The following RAP2A variants were observed in gnomAD, a reference collection of about 807,000 sequenced individuals.
The protein encoded by RAP2A is ras-related protein Rap-2a.
A neutral mutation model predicts 15.1 loss-of-function variants in RAP2A; 5 were observed. The observed-to-expected ratio is 0.33, with a 90% CI of 0.17 to 0.70. RAP2A has a LOEUF of 0.70. RAP2A is among the 30% of genes least tolerant of loss of function. RAP2A has a pLI of 0.68. For missense variants in RAP2A, 111 were observed against 240.3 expected (o/e 0.46, Z 3.56); for synonymous variants, 110 against 99.7 (o/e 1.10, Z -0.62).
intron 1 of RAP2A, among the ~76,000 whole-genome samples, chr13:97,441,126 C>T (rs1945193408): frequency 6.6e-6 from 1 of 152,094 alleles, no homozygotes; most frequent in Non-Finnish European, 1.5e-5. Context: ...ATGTCTCTTC[C>T]TCTCTAACAT....
chr13:97,461,894 C>T (rs960158310), intron 1 of RAP2A, among the ~76,000 whole-genome samples: 1 of 149,802 alleles, frequency 6.7e-6, no homozygotes, highest in Non-Finnish European at 1.5e-5. Context: ...ACCCGGGAGG[C>T]GGAGCTTGCA....
chr13:97,461,003 G>A (rs1669099564), intron 1 of RAP2A, among the ~76,000 whole-genome samples: 1 of 152,032 alleles, frequency 6.6e-6, no homozygotes, highest in African/African-American at 2.4e-5. Flanking sequence ...GCTTCTCAAG[G>A]CCACATCACT....
chr13:97,434,483 A>C lies in RAP2A; in HGVS notation c.13A>C (p.Lys5Gln). Residue 5 changes from lysine to glutamine, a missense_variant, in exon 1 of 2, where the codon AAA (lysine) becomes CAA (glutamine). Transcript: ENST00000245304. Reference protein sequence around the residue: MREYKVVVLGSGGVG... With the variant: MREYQVVVLGSGGVG... ...CCGCGGAGGGACGATGCGCGAGTAC[A>C]AAGTGGTGGTGCTGGGCTCGGGCGG... 1.2e-6 allele frequency: 2 copies of C among 1,605,312 alleles called. No homozygotes were observed. The highest frequency in any genetic ancestry group is 1.7e-6 in the Non-Finnish European group (2 of 1,174,906).
At chr13:97,445,438 CTT>C (rs1369991675) in intron 1 of RAP2A, among the ~76,000 whole-genome samples, 1 of 152,216 alleles carries the variant, frequency 6.6e-6, no homozygotes, top group East Asian at 1.9e-4. Flanking sequence ...ATGAACTAAA[CTT>C]AATTATTTTT....
At chr13:97,454,752 A>G (rs1210616849) in intron 1 of RAP2A, among the ~76,000 whole-genome samples, 2 of 151,280 alleles carry the variant, frequency 1.3e-5, no homozygotes, top group Admixed American at 6.6e-5. Flanking sequence ...CTTTGATACT[A>G]TTTTCCTTCA....
chr13:97,435,187 C>A (rs527760802), intron 1 of RAP2A, among the ~76,000 whole-genome samples: 1 of 152,208 alleles, frequency 6.6e-6, no homozygotes, highest in South Asian at 2.1e-4. Context: ...CAGTAAAAAT[C>A]GCTCACACAC....
At chr13:97,443,652 A>C (rs2066667170) in intron 1 of RAP2A, among the ~76,000 whole-genome samples, 1 of 152,220 alleles carries the variant, frequency 6.6e-6, no homozygotes, top group Non-Finnish European at 1.5e-5. Flanking sequence ...TCAACTGCCC[A>C]AAGCACTGGG....
chr13:97,434,343 C>A lies in RAP2A; in HGVS notation c.-128C>A. On this transcript the variant is annotated 5_prime_UTR_variant, in exon 1 of 2. Coordinates refer to ENST00000245304, the MANE Select transcript of RAP2A (RefSeq NM_021033.7). ...GCCGCCGGCGCCCAGGGGGCCGCCG[C>A]GGCTGTGAGGTGGGGGCGGCAGCGG... 1.3e-6 allele frequency: 1 copy of A among 756,344 alleles called. No homozygotes were observed. The highest frequency in any genetic ancestry group is 1.6e-6 in the Non-Finnish European group (1 of 625,858). The allele number at this position is 756,344 out of a possible 1,614,324, so 46.9% of individuals were successfully genotyped here. A position where few individuals can be genotyped will look rare whatever the true frequency, so the allele number is the denominator to read the frequency against.
rs755279212 is a variant in RAP2A, at chr13:97,434,437, G to GGGC, written c.-15_-13dup. 6.7e-4 allele frequency: 1,040 copies of GGGC among 1,543,554 alleles called. 1 individual carries two copies. Among genetic ancestry groups the GGGC allele is most frequent in the East Asian group, 1.0e-3 (45 of 43,276 alleles). ...CGCGGCCGGCGTAGGTCTATGTCGC[G>GGGC]GGCGGCGGCGGCGGCGGCGGCCGCG... On this transcript the variant is annotated 5_prime_UTR_variant, in exon 1 of 2. Coordinates refer to ENST00000245304, the MANE Select transcript of RAP2A (RefSeq NM_021033.7).
At chr13:97,460,469 T>C (rs886657327) in intron 1 of RAP2A, among the ~76,000 whole-genome samples, 1 of 152,206 alleles carries the variant, frequency 6.6e-6, no homozygotes, top group Non-Finnish European at 1.5e-5. Flanking sequence ...TTCACAGTAC[T>C]AGCTAGAGGC....
chr13:97,463,227 T>A (rs1163910251), intron 1 of RAP2A, among the ~76,000 whole-genome samples: 6 of 152,152 alleles, frequency 3.9e-5, no homozygotes, highest in Non-Finnish European at 8.8e-5. Context: ...GAATAGTAAA[T>A]AAATGTGCAG....
At chr13:97,459,373 C>G (rs906426128) in intron 1 of RAP2A, among the ~76,000 whole-genome samples, 1 of 152,106 alleles carries the variant, frequency 6.6e-6, no homozygotes, top group Non-Finnish European at 1.5e-5. Flanking sequence ...CACCCACTAA[C>G]AAAGCACCTC....
chr13:97,437,042 C>T (rs949562953), intron 1 of RAP2A, among the ~76,000 whole-genome samples: 1 of 152,096 alleles, frequency 6.6e-6, no homozygotes, highest in Admixed American at 6.5e-5. Context: ...AGCTTTAGGT[C>T]TAGGTCAGCA....
chr13:97,458,879 TG>T lies in RAP2A; in HGVS notation c.315-5325del, dbSNP rs2066735033. 2.6e-5 allele frequency among the ~76,000 whole-genome samples: 4 copies of T among 152,086 alleles called. No homozygotes were observed. In the South Asian group the frequency reaches 8.3e-4, roughly 32 times the overall value. The stretch of plus-strand genomic sequence containing the variant: ...AGCCCATTAACATTCTACAGCTAAG[TG>T]ATGCTACAGCCAGTATTTCTGATGT... On this transcript the variant is annotated intron_variant, in intron 1 of 1. Transcript: ENST00000245304.
chr13:97,455,238 T>C (rs959983786), intron 1 of RAP2A, among the ~76,000 whole-genome samples: 1 of 151,604 alleles, frequency 6.6e-6, no homozygotes, highest in African/African-American at 2.4e-5. Flanking sequence ...TTTTCAGTTC[T>C]AAAATTTTCA....
chr13:97,460,890 T>G (rs1323659780), intron 1 of RAP2A, among the ~76,000 whole-genome samples: 2 of 152,166 alleles, frequency 1.3e-5, no homozygotes, highest in Non-Finnish European at 2.9e-5. Flanking sequence ...CTCCCATCTT[T>G]TTTGCCTGTC....
intron 1 of RAP2A, among the ~76,000 whole-genome samples, chr13:97,455,527 T>C (rs528225140): frequency 2.6e-5 from 4 of 151,590 alleles, no homozygotes; most frequent in African/African-American, 9.7e-5. Context: ...TTTTTTCCTT[T>C]TAGCCAATAA....
intron 1 of RAP2A, among the ~76,000 whole-genome samples, chr13:97,435,464 CCA>C (rs2066629580): frequency 1.3e-5 from 1 of 79,988 alleles, no homozygotes; most frequent in Non-Finnish European, 2.8e-5. Context: ...TTAACCCCTT[CCA>C]AAAAAAAAAA....
intron 1 of RAP2A, among the ~76,000 whole-genome samples, chr13:97,461,949 C>T (rs1456915112): frequency 7.1e-6 from 1 of 140,056 alleles, no homozygotes; most frequent in African/African-American, 2.7e-5. Flanking sequence ...GGAGACAGAG[C>T]GAGACTCCGT....
Sources: allele counts gnomAD v4.1 joint callset (sites outside exome capture counted in the v4.1 genomes callset), GRCh38; gene constraint gnomAD v4.1.1; transcripts MANE v1.5; gene names NCBI Gene and HGNC (gene_info 2026-07-23, HGNC 2026-07-21).